The following YTHDC2 variants were observed in gnomAD, a reference collection of about 807,000 sequenced individuals.
YTHDC2 encodes the protein 3'-5' RNA helicase YTHDC2.
In YTHDC2, 45 loss-of-function variants were observed where a neutral mutation model predicts 174.9. The observed-to-expected ratio is 0.26, with a 90% CI of 0.20 to 0.33. The LOEUF (loss-of-function observed/expected upper bound fraction) is 0.33. Ranked by LOEUF, YTHDC2 falls within the 10% of genes least tolerant of loss-of-function variation. The probability of loss-of-function intolerance (pLI) is 1.00; values close to 1 mark genes in which losing one functional copy is unlikely to be tolerated. For missense variants in YTHDC2, 1,650 were observed against 1,723.7 expected, an observed-to-expected ratio of 0.96 and a Z score of 0.76; for synonymous variants, 657 against 574.5, an observed-to-expected ratio of 1.14 and a Z score of -2.05.
chr5:113,584,292 C>G lies in YTHDC2; in HGVS notation c.3648-10C>G. On this transcript the variant is annotated splice_polypyrimidine_tract_variant and intron_variant, in intron 25 of 29. Coordinates refer to ENST00000161863, the MANE Select transcript of YTHDC2 (RefSeq NM_022828.5). ...TATAACTGATCTTTGCTTCCTCCTT[C>G]TTGCTCAAGAGTACTGATGAAATCT... The G allele has an allele frequency of 6.2e-7, 1 of 1,601,052 alleles. No homozygotes were observed. The highest frequency in any genetic ancestry group is 8.5e-7 in the Non-Finnish European group (1 of 1,173,774).
At position 113,593,385 on chromosome 5, in the gene YTHDC2, A is replaced by G. The variant is rs758554950; in HGVS notation, c.*2A>G. On this transcript the variant is annotated 3_prime_UTR_variant, in exon 29 of 30. Transcript: ENST00000161863. ...GGAGAAAAAAACACAACTGATTGAC[A>G]CTCAGGTTATACCATCTTGACTTTG... 1 of 1,610,910 alleles carries G rather than the reference A, an allele frequency of 6.2e-7. No individual in the cohort carries two copies. The highest frequency in any genetic ancestry group is 8.5e-7 in the Non-Finnish European group (1 of 1,177,686).
At chr5:113,543,740 C>G (rs34161832) in intron 10 of YTHDC2, among the ~76,000 whole-genome samples, 5,012 of 152,282 alleles carry the variant, frequency 0.033, 268 homozygotes, top group African/African-American at 0.11. Flanking sequence ...CCACTTGCCT[C>G]CTTGTTCACT....
At chr5:113,535,892 T>C in intron 7 of YTHDC2, 94 bp downstream of exon 7, 1 of 1,072,940 alleles carries the variant, frequency 9.3e-7, no homozygotes, top group Non-Finnish European at 1.3e-6. Context: ...TGTTCTGAAG[T>C]AGAGGCCATC....
rs143148329 is a variant in YTHDC2 at position 113,564,055 on chromosome 5, G to A, written c.2639G>A (p.Arg880His). The A allele has an allele frequency of 2.1e-3, 3,366 of 1,614,098 alleles. 7 individuals carry two copies. The highest frequency in any genetic ancestry group is 2.5e-3 in the Non-Finnish European group (2,915 of 1,180,016). ...FVLPTQASQK[R>H]AAMLCRKRFT... is the part of the protein sequence containing the mutation. ...CTACCTACTCAGGCCTCTCAAAAAC[G>A]TGCAGCTATGCTTTGTAGGAAACGT... Residue 880 changes from arginine (R) to histidine (H), a missense_variant, in exon 20 of 30, where the codon CGT becomes CAT. Around this residue, in one of 5 missense-constraint regions of YTHDC2, gnomAD observed 913 missense variants for 940.4 expected, o/e 0.97. Coordinates refer to ENST00000161863, the MANE Select transcript of YTHDC2 (RefSeq NM_022828.5).
Position 113,539,153 on chromosome 5 carries a change from G to T in YTHDC2, c.1182G>T (p.Met394Ile). The change falls in exon 8 of 30, where the codon ATG becomes ATT. Residue 394 changes from methionine (M) to isoleucine (I), a missense_variant. Physicochemically the swap from Met to Ile is conservative, Grantham distance 10. Around this residue, in one of 5 missense-constraint regions of YTHDC2, gnomAD observed 411 missense variants for 380.6 expected, o/e 1.08. Coordinates refer to ENST00000161863, the MANE Select transcript of YTHDC2 (RefSeq NM_022828.5). The part of the protein sequence containing the change: ...LRTTGYTNKE[M>I]LKYKKEKQQE... ...CAACTGGATATACAAACAAAGAAAT[G>T]TTAAAATATAAAAAGGAAAAACAGC... is the stretch of plus-strand genomic sequence containing the variant. The T allele has an allele frequency of 7.2e-7, 1 of 1,388,410 alleles. No homozygotes were observed. The highest frequency in any genetic ancestry group is 1.5e-5 in the South Asian group (1 of 67,170). 86.0% of individuals were successfully genotyped at this position (1,388,410 alleles called of 1,614,324 possible).
At chr5:113,539,533 A>G (rs547866213) in intron 8 of YTHDC2, among the ~76,000 whole-genome samples, 1 of 152,322 alleles carries the variant, frequency 6.6e-6, no homozygotes, top group East Asian at 1.9e-4. Context: ...AAAAAGTAGT[A>G]TGTGATTAAT....
intron 10 of YTHDC2, among the ~76,000 whole-genome samples, chr5:113,546,385 T>G (rs1258383096): frequency 1.3e-5 from 2 of 152,224 alleles, no homozygotes; most frequent in Non-Finnish European, 2.9e-5. Flanking sequence ...TTCTAATGTT[T>G]TAAGCCATGT....
rs540460844 is a variant in YTHDC2 at position 113,553,767 on chromosome 5, A to T, written c.1965A>T (p.Arg655Ser). The change falls in exon 15 of 30, where the codon AGA becomes AGT. Residue 655 changes from arginine to serine, a missense_variant and splice_region_variant. Arg to Ser is a moderately radical substitution (Grantham distance 110, BLOSUM62 -1). This residue lies in a region of YTHDC2 where 913 missense variants were observed against 940.4 expected (regional missense o/e 0.97). Transcript: ENST00000161863. ...TGTTTTCTCTTTCAATTGTCTGCAG[A>T]TACCAAGTCTTTATGCTTCATTCAA... ...DDKRFADSTH[R>S]YQVFMLHSNM... The T allele has an allele frequency of 1.2e-6, 2 of 1,612,546 alleles. No individual in the cohort carries two copies. Among genetic ancestry groups the T allele is most frequent in the Non-Finnish European group, 1.7e-6 (2 of 1,179,368 alleles).
At position 113,593,463 on chromosome 5, in the gene YTHDC2, T is replaced by C. The variant is rs1561719247; in HGVS notation, c.*8-19T>C. On this transcript the variant is annotated intron_variant, in intron 29 of 29. Transcript: ENST00000161863. ...GAACCTTTCAGATTATTTATCTTTT[T>C]TTTTCCCCTTTCTTCTAGAACTCTT... 8.1e-7 allele frequency: 1 copy of C among 1,227,098 alleles called. No homozygotes were observed. Among genetic ancestry groups the C allele is most frequent in the African/African-American group, 1.5e-5 (1 of 65,756 alleles). 76.0% of individuals were successfully genotyped at this position (1,227,098 alleles called of 1,614,324 possible). A position where few individuals can be genotyped will look rare whatever the true frequency, so the allele number is the denominator to read the frequency against.
intron 7 of YTHDC2, 72 bp from the exon 8 acceptor site, chr5:113,539,002 G>A: frequency 1.4e-6 from 1 of 734,520 alleles, no homozygotes; most frequent in Non-Finnish European, 2.1e-6. Flanking sequence ...TCATTAACTT[G>A]GGATTTTCAT....
At chr5:113,538,250 C>T (rs1027983021) in intron 7 of YTHDC2, among the ~76,000 whole-genome samples, 3 of 152,302 alleles carry the variant, frequency 2.0e-5, no homozygotes, top group East Asian at 1.9e-4. Flanking sequence ...ACGTAGCATT[C>T]TGCTGTCTTT....
Position 113,526,585 on chromosome 5 carries a change from GA to G in YTHDC2, c.479del (p.Asn160ThrfsTer4). The G allele has an allele frequency of 6.5e-7, 1 of 1,532,166 alleles. No individual in the cohort carries two copies. Among genetic ancestry groups the G allele is most frequent in the South Asian group, 1.3e-5 (1 of 77,654 alleles). 94.9% of individuals were successfully genotyped at this position (1,532,166 alleles called of 1,614,324 possible). On this transcript the variant is annotated frameshift_variant and splice_region_variant, in exon 4 of 30. Coordinates refer to ENST00000161863, the MANE Select transcript of YTHDC2 (RefSeq NM_022828.5). LOFTEE classifies it high-confidence loss of function. ...ERGNVFAVEA[E>X]NREMSKTSGR... ...TTTTGTTCTTTTATTCATTTTCAAA[GA>G]AAACCGGGAAATGAGCAAGACAAGT...
intron 23 of YTHDC2, among the ~76,000 whole-genome samples, chr5:113,572,326 C>G (rs1777778672): frequency 6.6e-6 from 1 of 152,114 alleles, no homozygotes; most frequent in African/African-American, 2.4e-5. Context: ...GTGCTGTGGT[C>G]TGATAGACTG....
chr5:113,539,290 C>G (rs4334877), intron 8 of YTHDC2, 109 bp downstream of exon 8: 105,301 of 454,212 alleles, frequency 0.23, 14,850 homozygotes, highest in African/African-American at 0.49. Flanking sequence ...GTGTTTTTCT[C>G]TTGTATATAA....
At chr5:113,519,029 T>G (rs1022757151) in intron 2 of YTHDC2, among the ~76,000 whole-genome samples, 18 of 141,966 alleles carry the variant, frequency 1.3e-4, no homozygotes, top group Non-Finnish European at 4.5e-5. Flanking sequence ...CCACCATGCC[T>G]GGCTAATTTA....
intron 2 of YTHDC2, among the ~76,000 whole-genome samples, chr5:113,522,512 A>G (rs1055361225): frequency 6.6e-6 from 1 of 152,140 alleles, no homozygotes; most frequent in African/African-American, 2.4e-5. Flanking sequence ...TCAAAATTGC[A>G]TATGGGGTTT....
intron 10 of YTHDC2, among the ~76,000 whole-genome samples, chr5:113,546,049 T>C (rs1406653095): frequency 6.6e-6 from 1 of 152,076 alleles, no homozygotes; most frequent in Non-Finnish European, 1.5e-5. Flanking sequence ...CTGATCTCCA[T>C]TTTTAAAAGT....
intron 10 of YTHDC2, among the ~76,000 whole-genome samples, chr5:113,545,799 G>A (rs1488655613): frequency 4.4e-5 from 2 of 45,130 alleles, no homozygotes; most frequent in Admixed American, 3.1e-4. Flanking sequence ...GGAGTGCAGT[G>A]GCGGGATCTC....
At chr5:113,518,482 A>G (rs1012154534) in intron 2 of YTHDC2, among the ~76,000 whole-genome samples, 2 of 151,892 alleles carry the variant, frequency 1.3e-5, no homozygotes, top group Non-Finnish European at 2.9e-5. Context: ...GATTACAGAC[A>G]TGAGCCACTG....
Sources: gnomAD v4.1 joint callset for allele counts (sites outside exome capture counted in the v4.1 genomes callset) on GRCh38, gnomAD v4.1.1 for gene constraint, gnomAD v4.1.1 regional missense constraint, MANE v1.5 for transcripts, NCBI Gene and HGNC (gene_info 2026-07-23, HGNC 2026-07-21) for gene names.